Variants in LRP1B observed in about 807,000 individuals in gnomAD.
LRP1B encodes the protein LDL receptor related protein 1B, also known as low-density lipoprotein receptor-related protein 1B.
Under a neutral mutation model 556.6 loss-of-function variants are expected in LRP1B, and 217 were observed. That is an observed-to-expected ratio of 0.39 (90% confidence interval 0.35 to 0.44). LRP1B has a LOEUF of 0.44. Among genes scored for constraint, LRP1B ranks in the 20% least tolerant of loss-of-function variants. LRP1B has a pLI of 1.00. For synonymous variants in LRP1B, 2,047 were observed against 1,865.8 expected (o/e 1.10, Z -2.50); for missense variants, 5,053 against 5,620.8 (o/e 0.90, Z 3.23).
intron 2 of LRP1B, among the ~76,000 whole-genome samples, chr2:141,678,515 A>G (rs139320086): frequency 5.9e-4 from 90 of 152,304 alleles, no homozygotes; most frequent in African/African-American, 1.8e-3. Flanking sequence ...TGACAATATG[A>G]AAATCAATGA....
At chr2:140,861,915 T>C (rs1692808823) in intron 27 of LRP1B, among the ~76,000 whole-genome samples, 1 of 152,220 alleles carries the variant, frequency 6.6e-6, no homozygotes, top group South Asian at 2.1e-4. Context: ...ACGCTTTCTC[T>C]TTTTGTCCTG....
In LRP1B at chr2:141,821,616, T is replaced by G. The variant is rs115326559; in HGVS notation, c.83-11215A>C. Among the ~76,000 whole-genome samples the G allele has an allele frequency of 2.8e-3, 420 of 152,318 alleles. 2 individuals carry two copies. Among genetic ancestry groups the G allele is most frequent in the African/African-American group, 9.6e-3 (400 of 41,580 alleles). On this transcript the variant is annotated intron_variant, in intron 1 of 90. Coordinates refer to ENST00000389484, the MANE Select transcript of LRP1B (RefSeq NM_018557.3). The stretch of plus-strand genomic sequence containing the variant: ...AAGTATATATTTTTGTGTACAAGTG[T>G]GTATACATGTTTTTATTCTTGGGAG...
chr2:140,497,471 G>T (rs1183513308), intron 55 of LRP1B, among the ~76,000 whole-genome samples: 1 of 151,592 alleles, frequency 6.6e-6, no homozygotes, highest in East Asian at 1.9e-4. Flanking sequence ...TTAAAATGAT[G>T]AATTTTATAT....
intron 1 of LRP1B, among the ~76,000 whole-genome samples, chr2:141,905,992 A>G (rs1236129492): frequency 2.1e-5 from 3 of 140,166 alleles, no homozygotes; most frequent in Non-Finnish European, 4.7e-5. Flanking sequence ...TAGACAAGAG[A>G]TGTGTGTGTG....
In LRP1B at chr2:141,570,266, T is replaced by C. The variant is rs573249400; in HGVS notation, c.206-89733A>G. On this transcript the variant is annotated intron_variant, in intron 2 of 90. Transcript: ENST00000389484. ...TTTACTAGAAGCCTGGTGTGACCCA[T>C]GGAGAGAAGGAAGAACAGTGTAGTG... 2.5e-4 allele frequency among the ~76,000 whole-genome samples: 37 copies of C among 150,700 alleles called. 1 individual carries two copies. Among genetic ancestry groups the C allele is most frequent in the Non-Finnish European group, 5.2e-4 (35 of 67,224 alleles).
intron 2 of LRP1B, among the ~76,000 whole-genome samples, chr2:141,552,910 A>C (rs1282733262): frequency 6.6e-6 from 1 of 151,996 alleles, no homozygotes; most frequent in Non-Finnish European, 1.5e-5. Context: ...TTGGATAATA[A>C]GGGGATTCAA....
At chr2:141,374,922 G>A (rs890870073) in intron 3 of LRP1B, among the ~76,000 whole-genome samples, 1 of 152,076 alleles carries the variant, frequency 6.6e-6, no homozygotes. Context: ...GTCCTTTGGT[G>A]GTGCCACACT....
intron 3 of LRP1B, among the ~76,000 whole-genome samples, chr2:141,331,503 CTTCTTTCTTTCTTTCT>C: frequency 2.5e-5 from 1 of 39,880 alleles, no homozygotes; most frequent in East Asian, 2.9e-4. Flanking sequence ...TCTTTCTTTC[CTTCTTTCTTTCTTTCT>C]TTCTCTTTCT....
In LRP1B at chr2:141,311,428, C is replaced by T. The variant is rs1453660756; in HGVS notation, c.344-56787G>A. Among the ~76,000 whole-genome samples the T allele has an allele frequency of 2.0e-5, 3 of 152,040 alleles. No homozygotes were observed. The East Asian group carries it at 5.8e-4, about 30-fold the overall frequency. ...CTGGGTTCTTTGGTGGTTTTACCAA[C>T]ATTTTATTAGTGAGCTGGGTTTTTT... On this transcript the variant is annotated intron_variant, in intron 3 of 90. Coordinates refer to ENST00000389484, the MANE Select transcript of LRP1B (RefSeq NM_018557.3).
At chr2:141,062,992 T>C (rs1699382727) in intron 7 of LRP1B, among the ~76,000 whole-genome samples, 1 of 151,868 alleles carries the variant, frequency 6.6e-6, no homozygotes, top group Admixed American at 6.6e-5. Flanking sequence ...GCTAATGGTG[T>C]CTGTCAAAGT....
intron 18 of LRP1B, among the ~76,000 whole-genome samples, chr2:140,967,429 G>A (rs898143071): frequency 2.0e-5 from 3 of 152,012 alleles, no homozygotes; most frequent in African/African-American, 7.3e-5. Flanking sequence ...TCAGCTTAAG[G>A]AGATTTTGGG....
At chr2:141,910,778 C>T (rs954018721) in intron 1 of LRP1B, among the ~76,000 whole-genome samples, 6 of 151,960 alleles carry the variant, frequency 3.9e-5, no homozygotes, top group South Asian at 2.1e-4. Context: ...AAAGGACTTA[C>T]GTGTTGCTTT....
At chr2:141,463,584 A>T in intron 3 of LRP1B, among the ~76,000 whole-genome samples, 1 of 86,438 alleles carries the variant, frequency 1.2e-5, no homozygotes, top group South Asian at 3.1e-4. Context: ...ATATATAATT[A>T]TATATAATAT....
At chr2:140,523,675 T>A (rs779804307) in intron 49 of LRP1B, among the ~76,000 whole-genome samples, 4 of 151,766 alleles carry the variant, frequency 2.6e-5, no homozygotes, top group Non-Finnish European at 4.4e-5. Flanking sequence ...TCAAGTTTAG[T>A]GAAGATGCAA....
intron 3 of LRP1B, among the ~76,000 whole-genome samples, chr2:141,292,572 G>GA (rs1448349538): frequency 6.6e-6 from 1 of 152,028 alleles, no homozygotes; most frequent in Admixed American, 6.5e-5. Context: ...AGTCTATATC[G>GA]AAAATCATAA....
chr2:142,119,524 G>A (rs868287176), intron 1 of LRP1B, among the ~76,000 whole-genome samples: 27 of 151,932 alleles, frequency 1.8e-4, no homozygotes, highest in African/African-American at 6.5e-4. Flanking sequence ...GTGGAGAATG[G>A]GAGAGAAAGC....
At chr2:141,301,299 T>C (rs1686387766) in intron 3 of LRP1B, among the ~76,000 whole-genome samples, 1 of 152,190 alleles carries the variant, frequency 6.6e-6, no homozygotes, top group Non-Finnish European at 1.5e-5. Flanking sequence ...AAGTGGCTTC[T>C]AGTTTTATAT....
chr2:141,408,140 A>AAT lies in LRP1B; in HGVS notation c.343+72254_343+72255dup, dbSNP rs369551564. Among the ~76,000 whole-genome samples the AAT allele has an allele frequency of 5.2e-3, 222 of 43,012 alleles. 3 individuals are homozygous for AAT. In the Admixed American group the frequency reaches 0.058, roughly 11 times the overall value. 28.2% of individuals were successfully genotyped at this position (43,012 alleles called of 152,430 possible). The stretch of plus-strand genomic sequence containing the variant: ...ATTAAAAATGCAAGGAATTTGGTTC[A>AAT]ATTTTTTTTTTTTTTTTTTTGAGAT... On this transcript the variant is annotated intron_variant, in intron 3 of 90. Transcript: ENST00000389484.
intron 1 of LRP1B, among the ~76,000 whole-genome samples, chr2:141,881,728 G>C (rs895059138): frequency 1.3e-5 from 2 of 151,858 alleles, no homozygotes; most frequent in Non-Finnish European, 2.9e-5. Flanking sequence ...AAGCTTTCTT[G>C]TAGGTCCTAC....
Sources: gnomAD v4.1 joint callset for allele counts (sites outside exome capture counted in the v4.1 genomes callset) on GRCh38, gnomAD v4.1.1 for gene constraint, MANE v1.5 for transcripts, NCBI Gene and HGNC (gene_info 2026-07-23, HGNC 2026-07-21) for gene names.